Variants in FAM227B observed in about 807,000 individuals in gnomAD.
FAM227B encodes family with sequence similarity 227 member B, also known as protein FAM227B.
FAM227B carries 88 observed loss-of-function variants against 73.8 expected under a neutral mutation model. That is an observed-to-expected ratio of 1.19 (90% confidence interval 1.00 to 1.42). FAM227B has a LOEUF of 1.42. Among genes scored for constraint, FAM227B ranks in the 40% most tolerant of loss-of-function variants. The probability of loss-of-function intolerance (pLI) is 0.00; values close to 1 mark genes in which losing one functional copy is unlikely to be tolerated. For synonymous variants in FAM227B, 210 were observed against 190.5 expected (o/e 1.10, Z -0.84); for missense variants, 632 against 590.9 (o/e 1.07, Z -0.72).
At chr15:49,329,809 A>C in intron 15 of FAM227B, 9 of 707,718 alleles carry the variant, frequency 1.3e-5, no homozygotes, top group Non-Finnish European at 1.6e-5. Context: ...ATCAGTGTAA[A>C]AAAAAAAAAA....
chr15:49,414,056 C>T (rs1258303132), intron 11 of FAM227B, among the ~76,000 whole-genome samples: 2 of 151,948 alleles, frequency 1.3e-5, no homozygotes, highest in Non-Finnish European at 2.9e-5. Flanking sequence ...TCCACCCCCT[C>T]CTCCAATAAT....
At chr15:49,415,791 T>C (rs2049173086) in intron 11 of FAM227B, among the ~76,000 whole-genome samples, 1 of 152,200 alleles carries the variant, frequency 6.6e-6, no homozygotes, top group African/African-American at 2.4e-5. Flanking sequence ...TTGTATCTTA[T>C]ATACAGTTAG....
In FAM227B at chr15:49,328,657, C is replaced by A; in HGVS notation, c.1438G>T (p.Glu480Ter). The change falls in exon 16 of 16, where the codon GAG becomes TAG. Residue 480 changes from glutamate (E) to a stop codon, truncating the protein, a stop_gained. Transcript: ENST00000299338. LOFTEE classifies it low-confidence loss of function (END_TRUNC). The part of the protein sequence containing the change: ...LHKLRSEAEI[E>*]RECVASLSSS... ...GATAGTGATGCCACACATTCTCTCT[C>A]AATTTCAGCTTCGGAACGCTATGAA... The A allele has an allele frequency of 6.4e-7, 1 of 1,568,904 alleles. No homozygotes were observed. Among genetic ancestry groups the A allele is most frequent in the Non-Finnish European group, 8.7e-7 (1 of 1,153,938 alleles).
At chr15:49,404,421 T>C (rs775667287) in intron 11 of FAM227B, among the ~76,000 whole-genome samples, 8 of 152,202 alleles carry the variant, frequency 5.3e-5, no homozygotes, top group Non-Finnish European at 1.2e-4. Flanking sequence ...CTCTAAGAAG[T>C]TGCTTTATGA....
intron 11 of FAM227B, among the ~76,000 whole-genome samples, chr15:49,456,573 T>C (rs2053313261): frequency 6.6e-6 from 1 of 152,134 alleles, no homozygotes; most frequent in Admixed American, 6.5e-5. Context: ...GAATTACTTT[T>C]TTTCCTTTGC....
At chr15:49,415,890 T>C (rs950203129) in intron 11 of FAM227B, among the ~76,000 whole-genome samples, 2 of 152,178 alleles carry the variant, frequency 1.3e-5, no homozygotes, top group African/African-American at 4.8e-5. Context: ...TCAATTACTT[T>C]TGGGATTTTA....
intron 2 of FAM227B, among the ~76,000 whole-genome samples, chr15:49,614,393 C>G (rs1327544495): frequency 2.0e-5 from 3 of 152,082 alleles, no homozygotes; most frequent in Non-Finnish European, 4.4e-5. Flanking sequence ...AGTTAAATAA[C>G]TTGTAAACAT....
intron 10 of FAM227B, among the ~76,000 whole-genome samples, chr15:49,537,935 T>C (rs2152258054): frequency 6.6e-6 from 1 of 152,156 alleles, no homozygotes; most frequent in African/African-American, 2.4e-5. Flanking sequence ...ACAGCATGAA[T>C]GGGATGATAA....
chr15:49,500,893 ACCTCTGCCCC>A (rs2058081400), intron 11 of FAM227B, among the ~76,000 whole-genome samples: 1 of 151,724 alleles, frequency 6.6e-6, no homozygotes, highest in Non-Finnish European at 1.5e-5. Flanking sequence ...ATTGTGTGGC[ACCTCTGCCCC>A]CCTCTTGCTT....
At chr15:49,334,963 T>C (rs1475445975) in intron 14 of FAM227B, among the ~76,000 whole-genome samples, 1 of 152,230 alleles carries the variant, frequency 6.6e-6, no homozygotes, top group African/African-American at 2.4e-5. Context: ...TATAAATTAT[T>C]ATGAATAACT....
chr15:49,454,470 C>T (rs1168628541), intron 11 of FAM227B, among the ~76,000 whole-genome samples: 1 of 152,158 alleles, frequency 6.6e-6, no homozygotes, highest in Non-Finnish European at 1.5e-5. Context: ...TCAGCATATC[C>T]TCAAGTAAAT....
intron 3 of FAM227B, among the ~76,000 whole-genome samples, chr15:49,592,224 G>C (rs1435833737): frequency 6.6e-6 from 1 of 152,180 alleles, no homozygotes; most frequent in African/African-American, 2.4e-5. Context: ...GCAAGGGGCT[G>C]AGATCCTTTG....
At chr15:49,444,469 T>C (rs2051988403) in intron 11 of FAM227B, among the ~76,000 whole-genome samples, 1 of 151,744 alleles carries the variant, frequency 6.6e-6, no homozygotes, top group Non-Finnish European at 1.5e-5. Context: ...AAAAAGTAAG[T>C]AGACAAAGAA....
At chr15:49,424,735 T>C (rs112975672) in intron 11 of FAM227B, 34 of 570,336 alleles carry the variant, frequency 6.0e-5, no homozygotes, top group African/African-American at 5.3e-4. Flanking sequence ...TGTTGAACTA[T>C]GCCCCTAAAA....
chr15:49,589,044 A>G (rs1301184019), intron 4 of FAM227B, among the ~76,000 whole-genome samples: 3 of 152,152 alleles, frequency 2.0e-5, no homozygotes, highest in Non-Finnish European at 4.4e-5. Context: ...AGACAAGAAT[A>G]ATTATAAGTA....
chr15:49,429,936 G>T (rs532531300), intron 11 of FAM227B, among the ~76,000 whole-genome samples: 1 of 152,066 alleles, frequency 6.6e-6, no homozygotes, highest in East Asian at 1.9e-4. Flanking sequence ...TGCTTATGGA[G>T]AACAAGAATT....
At chr15:49,501,103 C>T (rs1457978359) in intron 11 of FAM227B, among the ~76,000 whole-genome samples, 1 of 152,140 alleles carries the variant, frequency 6.6e-6, no homozygotes, top group Admixed American at 6.5e-5. Context: ...TTTATAGCAA[C>T]ACAAGCATGA....
chr15:49,430,515 G>A (rs138955127), intron 11 of FAM227B, among the ~76,000 whole-genome samples: 1 of 151,926 alleles, frequency 6.6e-6, no homozygotes, highest in African/African-American at 2.4e-5. Context: ...TCTGCTTTGT[G>A]TTGATATAAG....
In FAM227B at chr15:49,335,426, A is replaced by G; in HGVS notation, c.1342T>C (p.Phe448Leu). Reference sequence around the variant, plus strand: ...AGTATAGCATCAACTTACATCCTAAAATCCTTTTGGTTCCTTGCAAATTGT... The same window carrying G: ...AGTATAGCATCAACTTACATCCTAAGATCCTTTTGGTTCCTTGCAAATTGT... Reference protein sequence around the residue: ...KRQFARNQKDFRILQAKATKK... With the variant: ...KRQFARNQKDLRILQAKATKK... The change falls in exon 14 of 16, where the codon TTT becomes CTT. Residue 448 changes from phenylalanine (F) to leucine (L), a missense_variant. Coordinates refer to ENST00000299338, the MANE Select transcript of FAM227B (RefSeq NM_152647.3). The G allele has an allele frequency of 6.2e-7, 1 of 1,606,202 alleles. No homozygotes were observed. Among genetic ancestry groups the G allele is most frequent in the African/African-American group, 1.3e-5 (1 of 74,906 alleles).
Sources: gnomAD v4.1 joint callset for allele counts (sites outside exome capture counted in the v4.1 genomes callset) on GRCh38, gnomAD v4.1.1 for gene constraint, MANE v1.5 for transcripts, NCBI Gene and HGNC (gene_info 2026-07-23, HGNC 2026-07-21) for gene names.